Variants in DISP1 observed in about 807,000 individuals in gnomAD.
DISP1 encodes dispatched RND transporter family member 1, also known as protein dispatched homolog 1.
Under a neutral mutation model 37.3 loss-of-function variants are expected in DISP1, and 30 were observed. The observed-to-expected ratio is 0.80, with a 90% CI of 0.60 to 1.09. The LOEUF is 1.09. DISP1 is among the 50% of genes least tolerant of loss of function. DISP1 has a pLI of 0.00. For synonymous variants in DISP1, 634 were observed against 690.2 expected (o/e 0.92, Z 1.28); for missense variants, 1,598 against 1,879.5 (o/e 0.85, Z 2.77).
chr1:222,936,770 A>ATATATCATATATATGATATATATAAAT (rs1558339672), intron 2 of DISP1, among the ~76,000 whole-genome samples: 23 of 61,474 alleles, frequency 3.7e-4, no homozygotes, highest in South Asian at 2.1e-3. Flanking sequence ...TATAAAAATT[A>ATATATCATATATATGATATATATAAAT]TATATATCAT....
intron 3 of DISP1, among the ~76,000 whole-genome samples, chr1:222,959,653 CTG>C (rs1314059112): frequency 6.9e-6 from 1 of 145,036 alleles, no homozygotes; most frequent in African/African-American, 2.5e-5. Flanking sequence ...TGAACCGAGA[CTG>C]TGCCATTGCA....
intron 1 of DISP1, among the ~76,000 whole-genome samples, chr1:222,899,505 C>G (rs1671462350): frequency 6.6e-6 from 1 of 152,102 alleles, no homozygotes; most frequent in South Asian, 2.1e-4. Flanking sequence ...TAATTATGTC[C>G]TCACTGCCAA....
At chr1:222,897,018 CAT>C (rs919122146) in intron 1 of DISP1, among the ~76,000 whole-genome samples, 3 of 152,152 alleles carry the variant, frequency 2.0e-5, no homozygotes, top group African/African-American at 7.2e-5. Flanking sequence ...TACATGAAAA[CAT>C]GTGCCCACAA....
intron 1 of DISP1, among the ~76,000 whole-genome samples, chr1:222,914,575 A>G (rs1558326670): frequency 6.6e-6 from 1 of 152,144 alleles, no homozygotes; most frequent in Non-Finnish European, 1.5e-5. Flanking sequence ...ATATGAGACC[A>G]TTATCCTTCC....
intron 2 of DISP1, among the ~76,000 whole-genome samples, chr1:222,931,503 T>C (rs2125458304): frequency 6.6e-6 from 1 of 151,976 alleles, no homozygotes; most frequent in South Asian, 2.1e-4. Flanking sequence ...GACAAAATAG[T>C]TTCAAATGAA....
intron 1 of DISP1, among the ~76,000 whole-genome samples, chr1:222,839,601 C>T (rs1667464544): frequency 6.6e-6 from 1 of 152,116 alleles, no homozygotes; most frequent in African/African-American, 2.4e-5. Flanking sequence ...AGCATTATAT[C>T]CTGATGAACC....
chr1:223,003,171 GA>G lies in DISP1; in HGVS notation c.1777del (p.Thr593ProfsTer5), dbSNP rs750703237. Reference sequence around the variant, plus strand: ...CACAAAATTTGATAAGCCTCATGCCGAAACCTCAGAAACAGTAAGCATCACC... The same window carrying G: ...CACAAAATTTGATAAGCCTCATGCCGAACCTCAGAAACAGTAAGCATCACC... ...NYTKFDKPHA[E>X]TSETVSITLQ... is the part of the protein sequence containing the mutation. On this transcript the variant is annotated frameshift_variant, in exon 9 of 9. Coordinates refer to ENST00000675850, the MANE Select transcript of DISP1 (RefSeq NM_001377229.1). LOFTEE classifies it low-confidence loss of function (END_TRUNC). The surrounding 1 kb of genome is among the most constrained non-coding windows in gnomAD (Gnocchi z 4.3). 1 of 1,614,148 alleles carries G rather than the reference GA, an allele frequency of 6.2e-7. No individual in the cohort carries two copies. Among genetic ancestry groups the G allele is most frequent in the East Asian group, 2.2e-5 (1 of 44,874 alleles).
chr1:222,953,965 T>C (rs538915668), intron 3 of DISP1, among the ~76,000 whole-genome samples: 206 of 152,272 alleles, frequency 1.4e-3, no homozygotes, highest in Non-Finnish European at 2.5e-3. Flanking sequence ...CTAATTAATA[T>C]AAGATTTTAG....
At chr1:222,969,694 A>T (rs552603163) in intron 3 of DISP1, among the ~76,000 whole-genome samples, 1 of 152,134 alleles carries the variant, frequency 6.6e-6, no homozygotes, top group East Asian at 1.9e-4. Context: ...TTATGCATCT[A>T]GTGTGATCAT....
At chr1:222,999,310 C>G (rs1409799471) in intron 8 of DISP1, among the ~76,000 whole-genome samples, 4 of 152,134 alleles carry the variant, frequency 2.6e-5, no homozygotes, top group Non-Finnish European at 5.9e-5. Flanking sequence ...CCACTAACTC[C>G]ATTTTTATTT....
intron 1 of DISP1, among the ~76,000 whole-genome samples, chr1:222,833,657 C>T (rs1329938606): frequency 6.6e-6 from 1 of 152,110 alleles, no homozygotes; most frequent in East Asian, 1.9e-4. Flanking sequence ...CTGTCTAAAA[C>T]TGTGGTATGA....
At chr1:222,909,407 CCT>C (rs764807831) in intron 1 of DISP1, among the ~76,000 whole-genome samples, 2 of 152,260 alleles carry the variant, frequency 1.3e-5, no homozygotes, top group Non-Finnish European at 2.9e-5. Flanking sequence ...GCAAGTAAAA[CCT>C]ATATGCCACT....
intron 3 of DISP1, among the ~76,000 whole-genome samples, chr1:222,946,779 A>C (rs1406572087): frequency 6.6e-6 from 1 of 152,202 alleles, no homozygotes; most frequent in Admixed American, 6.5e-5. Context: ...CTTGTCTTTT[A>C]GGCAGAGGGA....
chr1:222,972,332 A>G (rs1279574227), intron 3 of DISP1, among the ~76,000 whole-genome samples: 1 of 151,996 alleles, frequency 6.6e-6, no homozygotes, highest in Admixed American at 6.6e-5. Flanking sequence ...TCTTTATTCT[A>G]GGTCACTGCA....
intron 1 of DISP1, among the ~76,000 whole-genome samples, chr1:222,838,969 G>C (rs1340899255): frequency 1.3e-5 from 2 of 152,076 alleles, no homozygotes; most frequent in African/African-American, 4.8e-5. Flanking sequence ...CGCATTCCTT[G>C]GTTGTTCCTC....
intron 4 of DISP1, among the ~76,000 whole-genome samples, chr1:222,989,838 T>C (rs1678561355): frequency 6.6e-6 from 1 of 151,748 alleles, no homozygotes; most frequent in African/African-American, 2.4e-5. Context: ...AATCTAGCTC[T>C]GTCGCCCAGG....
intron 1 of DISP1, among the ~76,000 whole-genome samples, chr1:222,911,642 C>G (rs964518160): frequency 8.5e-5 from 13 of 152,112 alleles, no homozygotes; most frequent in African/African-American, 3.1e-4. Context: ...GCCTCAGCCT[C>G]CCAAATAGCT....
chr1:222,971,019 A>G (rs1342787838), intron 3 of DISP1, among the ~76,000 whole-genome samples: 1 of 152,100 alleles, frequency 6.6e-6, no homozygotes. Context: ...CAGTTTAATT[A>G]TTTTAAGTTT....
At chr1:222,942,475 C>T (rs1051824182) in intron 2 of DISP1, among the ~76,000 whole-genome samples, 2 of 151,950 alleles carry the variant, frequency 1.3e-5, no homozygotes, top group Non-Finnish European at 1.5e-5. Context: ...TGTATCCTCT[C>T]CTCTCATGCA....
Sources: gnomAD v4.1 joint callset for allele counts (sites outside exome capture counted in the v4.1 genomes callset) on GRCh38, gnomAD v4.1.1 for gene constraint, Gnocchi (gnomAD v3.1) non-coding constraint, MANE v1.5 for transcripts, NCBI Gene and HGNC (gene_info 2026-07-23, HGNC 2026-07-21) for gene names.